Variants in CECR2 observed in about 807,000 individuals in gnomAD.
CECR2 encodes the protein chromatin remodeling regulator CECR2.
Under a neutral mutation model 154.5 loss-of-function variants are expected in CECR2, and 30 were observed. The observed-to-expected ratio is 0.19, with a 90% CI of 0.15 to 0.26. The LOEUF is 0.26. CECR2 is among the 10% of genes least tolerant of loss of function. The pLI is 1.00. For missense variants in CECR2, 1,743 were observed against 1,829.3 expected (o/e 0.95, Z 0.86); for synonymous variants, 725 against 683.7 (o/e 1.06, Z -0.94).
rs774765736 is a variant in CECR2, at chr22:17,556,271, A to C, written c.*3431A>C. On this transcript the variant is annotated 3_prime_UTR_variant, in exon 19 of 19. Coordinates refer to ENST00000262608, the MANE Select transcript of CECR2 (RefSeq NM_001290047.2). ...CCAGATGCTCTCAGAAGGCCTTCTCATGCTCCTCTTCGTTAGGCTTAGTGA... is the reference window on the plus strand; with the variant it reads ...CCAGATGCTCTCAGAAGGCCTTCTCCTGCTCCTCTTCGTTAGGCTTAGTGA... The C allele has an allele frequency of 9.2e-5, 14 of 152,050 alleles. No homozygotes were observed. Among genetic ancestry groups the C allele is most frequent in the Non-Finnish European group, 1.8e-4 (12 of 68,002 alleles). The allele number at this position is 152,050 out of a possible 1,614,324, so 9.4% of individuals were successfully genotyped here.
chr22:17,375,910 G>A (rs2063113468), intron 1 of CECR2, among the ~76,000 whole-genome samples: 1 of 151,366 alleles, frequency 6.6e-6, no homozygotes, highest in Non-Finnish European at 1.5e-5. Context: ...AGCTGAGATC[G>A]CGCCATTGCA....
chr22:17,484,655 C>G (rs1045120870), intron 2 of CECR2, among the ~76,000 whole-genome samples: 7 of 152,140 alleles, frequency 4.6e-5, no homozygotes, highest in Non-Finnish European at 8.8e-5. Flanking sequence ...AATCCCAGCA[C>G]TTTGGGAGGC....
chr22:17,360,346 A>T (rs2062969887), intron 1 of CECR2, among the ~76,000 whole-genome samples: 1 of 152,194 alleles, frequency 6.6e-6, no homozygotes, highest in Non-Finnish European at 1.5e-5. Context: ...ACTGTACTCC[A>T]GCTTGTACAA....
intron 1 of CECR2, among the ~76,000 whole-genome samples, chr22:17,456,351 C>T (rs184246477): frequency 4.2e-4 from 64 of 152,124 alleles, no homozygotes; most frequent in Middle Eastern, 3.4e-3. Flanking sequence ...TTTGCAAATT[C>T]CTCACAGCCA....
chr22:17,516,299 T>C (rs1296293720), intron 8 of CECR2, among the ~76,000 whole-genome samples: 49 of 151,794 alleles, frequency 3.2e-4, no homozygotes, highest in Admixed American at 3.2e-3. Flanking sequence ...GTGTATACAT[T>C]TTATATGTAT....
At chr22:17,360,842 TCAAACAAACAAACAAA>T (rs112098808) in intron 1 of CECR2, among the ~76,000 whole-genome samples, 1 of 149,948 alleles carries the variant, frequency 6.7e-6, no homozygotes, top group Non-Finnish European at 1.5e-5. Flanking sequence ...AGACCCTGTC[TCAAACAAACAAACAAA>T]CAAACAAACA....
At chr22:17,509,603 A>AT (rs1245749780) in intron 7 of CECR2, among the ~76,000 whole-genome samples, 3 of 151,866 alleles carry the variant, frequency 2.0e-5, no homozygotes, top group Admixed American at 2.0e-4. Flanking sequence ...TAATTTTTTA[A>AT]TTTTTTGTAG....
intron 1 of CECR2, among the ~76,000 whole-genome samples, chr22:17,410,335 A>T (rs1039015227): frequency 2.0e-5 from 3 of 152,136 alleles, no homozygotes; most frequent in East Asian, 1.9e-4. Context: ...AGATTTGTTT[A>T]TATAGCGTAA....
chr22:17,411,415 C>G (rs991688566), intron 1 of CECR2, among the ~76,000 whole-genome samples: 1 of 152,196 alleles, frequency 6.6e-6, no homozygotes, highest in African/African-American at 2.4e-5. Flanking sequence ...GCTGTCCAAT[C>G]CAGTGTGAAA....
chr22:17,400,525 G>C (rs28360596), intron 1 of CECR2, among the ~76,000 whole-genome samples: 137,406 of 152,238 alleles, frequency 0.9, 62,077 homozygotes, highest in Admixed American at 0.93. Context: ...TCTCGTGAGT[G>C]ATTTCATTTC....
rs114898609 is a variant in CECR2 at position 17,504,768 on chromosome 22, A to G, written c.701-79A>G. The G allele has an allele frequency of 1.2e-3, 1,553 of 1,343,166 alleles. 15 individuals carry two copies. In the African/African-American group the frequency reaches 0.02, roughly 17 times the overall value. The allele number at this position is 1,343,166 out of a possible 1,614,324, so 83.2% of individuals were successfully genotyped here. The stretch of plus-strand genomic sequence containing the variant: ...GTTCCTTATTTTAGTCATGACCCAC[A>G]GTAGAAACAAAATTGAGAATAAATA... On this transcript the variant is annotated intron_variant, in intron 6 of 18. Coordinates refer to ENST00000262608, the MANE Select transcript of CECR2 (RefSeq NM_001290047.2).
chr22:17,468,496 A>G (rs2055069989), intron 1 of CECR2, among the ~76,000 whole-genome samples: 1 of 152,172 alleles, frequency 6.6e-6, no homozygotes. Flanking sequence ...CCTGAGCAAC[A>G]TAGTGAGATC....
At chr22:17,474,629 A>G (rs973206916) in intron 1 of CECR2, among the ~76,000 whole-genome samples, 5 of 152,262 alleles carry the variant, frequency 3.3e-5, no homozygotes, top group African/African-American at 9.6e-5. Flanking sequence ...GAAAATGGCC[A>G]TGATAAAGGC....
rs11705449 is a variant in CECR2 at position 17,546,083 on chromosome 22, A to G, written c.2861-2065A>G. Among the ~76,000 whole-genome samples the G allele has an allele frequency of 4.6e-5, 7 of 151,962 alleles. No individual in the cohort carries two copies. In the South Asian group the frequency reaches 1.0e-3, roughly 23 times the overall value. ...AAAAAAGAAAAAAAATGGTTAGGGG[A>G]AAAAAACCTTTTAGTATTTCTTTTG... is the stretch of plus-strand genomic sequence containing the variant. On this transcript the variant is annotated intron_variant, in intron 16 of 18. Coordinates refer to ENST00000262608, the MANE Select transcript of CECR2 (RefSeq NM_001290047.2).
At chr22:17,511,757 T>C in intron 7 of CECR2, 56 bp from the exon 8 acceptor site, 2 of 1,441,346 alleles carry the variant, frequency 1.4e-6, no homozygotes, top group South Asian at 2.4e-5. Context: ...GCAGCATCAG[T>C]AGTTGAGAAC....
chr22:17,484,556 AT>A (rs1287277682), intron 2 of CECR2, among the ~76,000 whole-genome samples: 1 of 152,186 alleles, frequency 6.6e-6, no homozygotes, highest in African/African-American at 2.4e-5. Flanking sequence ...ATTAAAAAAT[AT>A]AAAAACCATT....
intron 1 of CECR2, among the ~76,000 whole-genome samples, chr22:17,432,812 A>G (rs564304781): frequency 6.6e-6 from 1 of 151,974 alleles, no homozygotes. Flanking sequence ...TTATTTTTGT[A>G]TAGGCAGGGT....
chr22:17,429,429 C>T (rs1167666505), intron 1 of CECR2, among the ~76,000 whole-genome samples: 1 of 151,442 alleles, frequency 6.6e-6, no homozygotes, highest in African/African-American at 2.4e-5. Context: ...AGACCGGGCG[C>T]GGTGGCTCAC....
chr22:17,361,117 T>C (rs1441516597), intron 1 of CECR2, among the ~76,000 whole-genome samples: 1 of 152,134 alleles, frequency 6.6e-6, no homozygotes, highest in Non-Finnish European at 1.5e-5. Context: ...GAGCTGAGAT[T>C]GTGCCCCTGC....
Sources: allele counts gnomAD v4.1 joint callset (sites outside exome capture counted in the v4.1 genomes callset), GRCh38; gene constraint gnomAD v4.1.1; transcripts MANE v1.5; gene names NCBI Gene and HGNC (gene_info 2026-07-23, HGNC 2026-07-21).